MED13: variants seen among roughly 807,000 people sequenced by gnomAD.
MED13 encodes the protein mediator complex subunit 13.
In MED13, 23 loss-of-function variants were observed where a neutral mutation model predicts 225.2. The ratio of observed to expected loss-of-function variants is 0.10; its 90% CI spans 0.07 to 0.14. The LOEUF (loss-of-function observed/expected upper bound fraction) is 0.14, where lower values mean the gene tolerates loss of function less well. Ranked by LOEUF, MED13 falls within the 10% of genes least tolerant of loss-of-function variation. The pLI is 1.00. For synonymous variants in MED13, 942 were observed against 889.2 expected (o/e 1.06, Z -1.06); for missense variants, 2,197 against 2,594.5 (o/e 0.85, Z 3.33).
At chr17:62,047,384 A>G (rs1568000411) in intron 3 of MED13, among the ~76,000 whole-genome samples, 1 of 152,122 alleles carries the variant, frequency 6.6e-6, no homozygotes. Flanking sequence ...AACAAAAAGA[A>G]TGAGTTTATG....
chr17:61,953,752 G>C (rs995908487), intron 26 of MED13, among the ~76,000 whole-genome samples: 1 of 152,208 alleles, frequency 6.6e-6, no homozygotes, highest in African/African-American at 2.4e-5. Context: ...TACTTTGTTA[G>C]AGCAGCAATA....
At position 62,010,635 on chromosome 17, in the gene MED13, A is replaced by T; in HGVS notation, c.1882T>A (p.Phe628Ile). ...YKFPKKKDVE[F>I]LPPQLPSDKF... ...TCACTTGGAAGTTGAGGTGGTAAAA[A>T]CTCTACATCTTTTTTCTTTGGGAAC... The change falls in exon 9 of 30, where the codon TTT (phenylalanine) becomes ATT (isoleucine). Residue 628 changes from phenylalanine to isoleucine, a missense_variant. By Grantham distance (21) the Phe-to-Ile change is conservative. Transcript: ENST00000397786. 6.7e-7 allele frequency: 1 copy of T among 1,494,010 alleles called. No individual in the cohort carries two copies. Among genetic ancestry groups the T allele is most frequent in the Non-Finnish European group, 8.9e-7 (1 of 1,121,234 alleles). The allele number at this position is 1,494,010 out of a possible 1,614,324, so 92.5% of individuals were successfully genotyped here.
At chr17:62,029,287 T>C (rs926763325) in intron 8 of MED13, 1 of 495,782 alleles carries the variant, frequency 2.0e-6, no homozygotes, top group South Asian at 3.3e-5. Flanking sequence ...CCATATAAAA[T>C]TGTCTTTTAT....
chr17:62,031,248 T>C (rs1207126609), intron 6 of MED13, 196 bp downstream of exon 6: 7 of 475,844 alleles, frequency 1.5e-5, no homozygotes, highest in Non-Finnish European at 2.6e-5. Flanking sequence ...AGACCAATGA[T>C]AATGAATGTA....
chr17:61,948,850 G>C (rs1487038728), intron 28 of MED13, among the ~76,000 whole-genome samples: 1 of 151,290 alleles, frequency 6.6e-6, no homozygotes, highest in African/African-American at 2.4e-5. Context: ...ACTTTGGGAG[G>C]CCGAGGCGGG....
At chr17:61,947,304 A>G (rs2143271346) in intron 28 of MED13, among the ~76,000 whole-genome samples, 1 of 151,510 alleles carries the variant, frequency 6.6e-6, no homozygotes, top group East Asian at 1.9e-4. Context: ...AAGTGCTGGG[A>G]TTACACGCAT....
Position 61,992,567 on chromosome 17 carries a change from A to G in MED13, c.2236T>C (p.Ser746Pro), listed in dbSNP as rs1172129231. The G allele has an allele frequency of 5.0e-6, 8 of 1,611,534 alleles. No homozygotes were observed. Among genetic ancestry groups the G allele is most frequent in the Admixed American group, 1.7e-5 (1 of 59,976 alleles). The change falls in exon 11 of 30, where the codon TCA (serine) becomes CCA (proline). Residue 746 changes from serine (S) to proline (P), a missense_variant. By Grantham distance (74) the Ser-to-Pro change is moderately conservative. Coordinates refer to ENST00000397786, the MANE Select transcript of MED13 (RefSeq NM_005121.3). ...TGCTTGATAGAGGGACTAAATAATG[A>G]CATAGCATCTTCTTCATGTGATAAC... ...TVLSHEEDAMSLFSPSIKQDA... is the reference protein window; with the variant it reads ...TVLSHEEDAMPLFSPSIKQDA...
intron 26 of MED13, among the ~76,000 whole-genome samples, chr17:61,954,557 ATTTGAGGTCAGGAG>A (rs1470978787): frequency 6.6e-6 from 1 of 152,124 alleles, no homozygotes; most frequent in Non-Finnish European, 1.5e-5. Flanking sequence ...TGGGTGGATC[ATTTGAGGTCAGGAG>A]TTTGAGACCA....
intron 9 of MED13, chr17:62,007,498 A>C (rs2080461233): frequency 6.6e-6 from 1 of 152,162 alleles, no homozygotes; most frequent in African/African-American, 2.4e-5. Context: ...TTTTTAGGAG[A>C]TGGTATTACC....
At chr17:61,954,798 T>C (rs2079927891) in intron 26 of MED13, among the ~76,000 whole-genome samples, 1 of 152,086 alleles carries the variant, frequency 6.6e-6, no homozygotes, top group Admixed American at 6.6e-5. Context: ...TTTTAAAAAG[T>C]AAAGATTTAT....
intron 8 of MED13, among the ~76,000 whole-genome samples, chr17:62,022,846 C>T (rs923620889): frequency 6.6e-6 from 1 of 151,960 alleles, no homozygotes; most frequent in African/African-American, 2.4e-5. Flanking sequence ...CCCGTCTCTA[C>T]AAAATATTTA....
intron 9 of MED13, among the ~76,000 whole-genome samples, chr17:61,999,515 A>T (rs964104404): frequency 1.2e-4 from 19 of 152,238 alleles, no homozygotes; most frequent in Admixed American, 4.6e-4. Flanking sequence ...AAAAAGAATT[A>T]GAAAAAAAGA....
At chr17:62,037,255 A>T (rs1222219044) in intron 3 of MED13, among the ~76,000 whole-genome samples, 1 of 152,052 alleles carries the variant, frequency 6.6e-6, no homozygotes, top group African/African-American at 2.4e-5. Flanking sequence ...TGTCTCAAAA[A>T]ACATATAAGT....
chr17:62,028,844 CAAAAAAT>C (rs1478264129), intron 8 of MED13, among the ~76,000 whole-genome samples: 6 of 151,638 alleles, frequency 4.0e-5, no homozygotes, highest in Non-Finnish European at 8.8e-5. Flanking sequence ...GACTCCATCT[CAAAAAAT>C]AAAAAATAAA....
At chr17:62,005,239 GCTCA>G (rs773163251) in intron 9 of MED13, 13 of 152,010 alleles carry the variant, frequency 8.6e-5, no homozygotes, top group African/African-American at 1.4e-4. Flanking sequence ...TATTAAATAA[GCTCA>G]CTGTCTTCCA....
intron 9 of MED13, chr17:62,007,184 T>C (rs2080458026): frequency 6.6e-6 from 1 of 152,138 alleles, no homozygotes; most frequent in African/African-American, 2.4e-5. Context: ...GAGGTTGCAG[T>C]GAGCCGAGAT....
At chr17:62,029,347 A>G (rs2080732385) in intron 8 of MED13, 194 bp downstream of exon 8, 1 of 564,170 alleles carries the variant, frequency 1.8e-6, no homozygotes, top group East Asian at 2.9e-5. Flanking sequence ...GTAACAGTGA[A>G]TGAACTGAAA....
intron 16 of MED13, among the ~76,000 whole-genome samples, chr17:61,977,101 G>A (rs1438105030): frequency 6.6e-6 from 1 of 152,052 alleles, no homozygotes; most frequent in Non-Finnish European, 1.5e-5. Context: ...ATTATTCTAG[G>A]TGTTTAGATT....
At chr17:62,041,407 T>C (rs1280983260) in intron 3 of MED13, among the ~76,000 whole-genome samples, 2 of 184 alleles carry the variant, frequency 0.011, no homozygotes, top group African/African-American at 0.014. Context: ...GAGCTGCCAC[T>C]CATAAAATTT....
Sources: allele counts gnomAD v4.1 joint callset (sites outside exome capture counted in the v4.1 genomes callset), GRCh38; gene constraint gnomAD v4.1.1; transcripts MANE v1.5; gene names NCBI Gene and HGNC (gene_info 2026-07-23, HGNC 2026-07-21).